R3HDM2: variants seen among roughly 807,000 people sequenced by gnomAD.
R3HDM2 encodes R3H domain containing 2.
Under a neutral mutation model 124.5 loss-of-function variants are expected in R3HDM2, and 38 were observed. The observed-to-expected ratio is 0.31, with a 90% CI of 0.24 to 0.40. R3HDM2 has a LOEUF of 0.40. Ranked by LOEUF, R3HDM2 falls within the 10% of genes least tolerant of loss-of-function variation. The pLI, the probability that R3HDM2 is intolerant of heterozygous loss-of-function variation, is 1.00. For missense variants in R3HDM2, 869 were observed against 1,236.9 expected, an observed-to-expected ratio of 0.70 and a Z score of 4.46; for synonymous variants, 391 against 448.0, an observed-to-expected ratio of 0.87 and a Z score of 1.61.
chr12:57,424,494 GA>G (rs1271124932), intron 1 of R3HDM2, among the ~76,000 whole-genome samples: 1 of 151,950 alleles, frequency 6.6e-6, no homozygotes, highest in Non-Finnish European at 1.5e-5. Context: ...ATTAAATTTG[GA>G]TTGTCACTGC....
At chr12:57,384,975 C>T (rs1218064945) in intron 2 of R3HDM2, among the ~76,000 whole-genome samples, 1 of 152,066 alleles carries the variant, frequency 6.6e-6, no homozygotes, top group African/African-American at 2.4e-5. Context: ...GGTGAAACCC[C>T]ATCTCTACTA....
chr12:57,335,840 G>C (rs1205711010), intron 2 of R3HDM2, among the ~76,000 whole-genome samples: 1 of 151,978 alleles, frequency 6.6e-6, no homozygotes, highest in Non-Finnish European at 1.5e-5. Flanking sequence ...AGCTGAAGCA[G>C]GAGGATGGCT....
chr12:57,360,672 G>A (rs2061817576), intron 2 of R3HDM2, among the ~76,000 whole-genome samples: 3 of 148,616 alleles, frequency 2.0e-5, no homozygotes, highest in African/African-American at 7.4e-5. Flanking sequence ...GAAAGGGAAG[G>A]AAAAAGGAAA....
intron 11 of R3HDM2, among the ~76,000 whole-genome samples, chr12:57,289,398 A>T (rs1315110549): frequency 3.9e-5 from 6 of 152,176 alleles, no homozygotes; most frequent in Non-Finnish European, 7.4e-5. Flanking sequence ...CCTTGGTCCT[A>T]AAGAGTGTGT....
At chr12:57,396,989 A>G (rs1237809012) in intron 1 of R3HDM2, among the ~76,000 whole-genome samples, 1 of 152,036 alleles carries the variant, frequency 6.6e-6, no homozygotes, top group Non-Finnish European at 1.5e-5. Context: ...GCTACTTGGG[A>G]GGCTGAGGGA....
At chr12:57,284,504 A>G (rs1247650947) in intron 12 of R3HDM2, among the ~76,000 whole-genome samples, 3 of 152,242 alleles carry the variant, frequency 2.0e-5, no homozygotes, top group African/African-American at 7.2e-5. Flanking sequence ...ACATGGATAA[A>G]ACCCACAATG....
chr12:57,417,775 C>T (rs185361440), intron 1 of R3HDM2, among the ~76,000 whole-genome samples: 152 of 152,278 alleles, frequency 1.0e-3, no homozygotes, highest in Middle Eastern at 3.4e-3. Flanking sequence ...GGAAATGTAG[C>T]TTACCAGCTT....
At chr12:57,276,859 C>T (rs1292718705) in intron 14 of R3HDM2, among the ~76,000 whole-genome samples, 2 of 151,610 alleles carry the variant, frequency 1.3e-5, no homozygotes, top group African/African-American at 4.8e-5. Context: ...TGCACTCCAA[C>T]CTGGGTGACA....
At chr12:57,269,198 G>A (rs911971184) in intron 16 of R3HDM2, 116 bp from the exon 17 acceptor site, 5 of 1,546,382 alleles carry the variant, frequency 3.2e-6, no homozygotes, top group Non-Finnish European at 4.4e-6. Flanking sequence ...GCATAGGTCT[G>A]TTCTTAGGAC....
chr12:57,391,477 A>G (rs1438015193), intron 2 of R3HDM2, among the ~76,000 whole-genome samples: 1 of 152,230 alleles, frequency 6.6e-6, no homozygotes, highest in African/African-American at 2.4e-5. Flanking sequence ...AAAGGGCAAC[A>G]AGAAAGATCC....
At chr12:57,402,985 T>A (rs1045338136) in intron 1 of R3HDM2, among the ~76,000 whole-genome samples, 4 of 152,182 alleles carry the variant, frequency 2.6e-5, no homozygotes, top group Non-Finnish European at 5.9e-5. Context: ...TGCTTATCAA[T>A]GCATATAAAG....
At chr12:57,312,928 CAAAAAAAAAAAA>C (rs57500144) in intron 2 of R3HDM2, among the ~76,000 whole-genome samples, 2 of 49,850 alleles carry the variant, frequency 4.0e-5, no homozygotes, top group African/African-American at 1.4e-4. Flanking sequence ...GACTCTGGCT[CAAAAAAAAAAAA>C]AAAAAAAAAA....
intron 2 of R3HDM2, among the ~76,000 whole-genome samples, chr12:57,338,240 T>C (rs1206447635): frequency 6.6e-6 from 1 of 151,860 alleles, no homozygotes; most frequent in East Asian, 1.9e-4. Flanking sequence ...GAGGCAGAGG[T>C]TGCGGTGAGC....
At position 57,254,500 on chromosome 12, in the gene R3HDM2, T is replaced by TAAAA; in HGVS notation, c.*272_*273insTTTT. ...GGGGTGACAAGAGCGAAACTCCGTC[T>TAAAA]CAAAAAAAAAAAAAAAAAAAAAAAG... On this transcript the variant is annotated 3_prime_UTR_variant, in exon 24 of 24. Transcript: ENST00000402412. 7.7e-6 allele frequency: 1 copy of TAAAA among 129,212 alleles called. No homozygotes were observed. Among genetic ancestry groups the TAAAA allele is most frequent in the Non-Finnish European group, 1.3e-5 (1 of 79,964 alleles). The allele number at this position is 129,212 out of a possible 1,614,324, so 8.0% of individuals were successfully genotyped here.
chr12:57,387,456 A>G (rs778606384), intron 2 of R3HDM2, among the ~76,000 whole-genome samples: 2 of 152,194 alleles, frequency 1.3e-5, no homozygotes, highest in Non-Finnish European at 2.9e-5. Context: ...TCATTCTTGA[A>G]GTCAGTGAGA....
chr12:57,318,365 A>T (rs1286872694), intron 2 of R3HDM2, among the ~76,000 whole-genome samples: 1 of 152,068 alleles, frequency 6.6e-6, no homozygotes, highest in Non-Finnish European at 1.5e-5. Flanking sequence ...AATAACTGAC[A>T]GGCTGGGTGG....
At chr12:57,336,985 A>T (rs543414830) in intron 2 of R3HDM2, among the ~76,000 whole-genome samples, 1 of 152,320 alleles carries the variant, frequency 6.6e-6, no homozygotes, top group South Asian at 2.1e-4. Flanking sequence ...TTTGTAAAAA[A>T]GTCTAGATCT....
At chr12:57,381,075 C>T (rs1566419766) in intron 2 of R3HDM2, among the ~76,000 whole-genome samples, 1 of 151,768 alleles carries the variant, frequency 6.6e-6, no homozygotes, top group Non-Finnish European at 1.5e-5. Flanking sequence ...ACTAAAAATG[C>T]AAAACAATAG....
At chr12:57,379,399 G>C (rs939048449) in intron 2 of R3HDM2, among the ~76,000 whole-genome samples, 1 of 152,176 alleles carries the variant, frequency 6.6e-6, no homozygotes, top group African/African-American at 2.4e-5. Context: ...TGACCAACAT[G>C]GAGAAACCCT....
Sources: allele counts gnomAD v4.1 joint callset (sites outside exome capture counted in the v4.1 genomes callset), GRCh38; gene constraint gnomAD v4.1.1; transcripts MANE v1.5; gene names NCBI Gene and HGNC (gene_info 2026-07-23, HGNC 2026-07-21).